Variants in DNAH17 observed in about 807,000 individuals in gnomAD.
The protein encoded by DNAH17 is dynein axonemal heavy chain 17, also known as axonemal beta dynein heavy chain 17.
Under a neutral mutation model 485.6 loss-of-function variants are expected in DNAH17, and 376 were observed. The observed-to-expected ratio is 0.77, with a 90% confidence interval of 0.71 to 0.84. DNAH17 has a LOEUF of 0.84. Ranked by LOEUF, DNAH17 falls within the 40% of genes least tolerant of loss-of-function variation. The pLI, the probability that DNAH17 is intolerant of heterozygous loss-of-function variation, is 0.00. For missense variants in DNAH17, 6,370 were observed against 5,839.3 expected (o/e 1.09, Z -2.96); for synonymous variants, 3,031 against 2,405.9 (o/e 1.26, Z -7.60).
intron 74 of DNAH17, among the ~76,000 whole-genome samples, chr17:78,437,219 C>T (rs1292417568): frequency 6.6e-6 from 1 of 152,186 alleles, no homozygotes; most frequent in Admixed American, 6.5e-5. Flanking sequence ...ACCCTGGTTG[C>T]CCATAGCCTC....
intron 22 of DNAH17, among the ~76,000 whole-genome samples, chr17:78,529,120 T>C (rs887906655): frequency 2.0e-5 from 3 of 152,112 alleles, no homozygotes; most frequent in African/African-American, 4.8e-5. Flanking sequence ...TTCTATATTT[T>C]TGTAGAGATG....
At chr17:78,506,204 G>A (rs199683975) in intron 30 of DNAH17, among the ~76,000 whole-genome samples, 1 of 143,512 alleles carries the variant, frequency 7.0e-6, no homozygotes, top group East Asian at 2.2e-4. Context: ...GCAGTGGTGC[G>A]ATCTTGGCTC....
rs747218786 is a variant in DNAH17, at chr17:78,574,952, TCTC to T, written c.103_105del (p.Glu35del). ...AAGAACTCTGTGAACAGGGCCACGT[TCTC>T]CTCGGCGCCTATCAGCTTGCTCCAC... On this transcript the variant is annotated inframe_deletion, in exon 2 of 81. Transcript: ENST00000389840. 4 of 1,613,786 alleles carry T rather than the reference TCTC, an allele frequency of 2.5e-6. No homozygotes were observed. Among genetic ancestry groups the T allele is most frequent in the African/African-American group, 2.7e-5 (2 of 74,894 alleles).
At chr17:78,479,933 G>A (rs1038320718) in intron 49 of DNAH17, among the ~76,000 whole-genome samples, 1 of 150,204 alleles carries the variant, frequency 6.7e-6, no homozygotes, top group African/African-American at 2.4e-5. Flanking sequence ...ATAACTTAGA[G>A]GCAAAGTCTG....
intron 36 of DNAH17, chr17:78,500,079 G>A (rs1217661695): frequency 3.9e-6 from 2 of 514,410 alleles, no homozygotes; most frequent in Non-Finnish European, 6.8e-6. Context: ...GGCAGGGGCT[G>A]GGGCAGGACA....
intron 80 of DNAH17, chr17:78,424,671 G>A (rs1253335589): frequency 1.3e-5 from 2 of 154,668 alleles, no homozygotes; most frequent in Non-Finnish European, 2.9e-5. Context: ...CTTTGGTTGT[G>A]TGGGAAATGG....
At position 78,553,283 on chromosome 17, in the gene DNAH17, G is replaced by GTTT. The variant is rs60587420; in HGVS notation, c.2179-481_2179-479dup. On this transcript the variant is annotated intron_variant, in intron 14 of 80. Coordinates refer to ENST00000389840, the MANE Select transcript of DNAH17 (RefSeq NM_173628.4). ...AAATTACCCAGTCCCAGGTTTTTGT[G>GTTT]TTTTTTTTTTTTTTTTTTTTTTTTT... 3.5e-4 allele frequency among the ~76,000 whole-genome samples: 18 copies of GTTT among 51,030 alleles called. 4 individuals carry two copies. Among genetic ancestry groups the GTTT allele is most frequent in the African/African-American group, 7.2e-4 (8 of 11,098 alleles). 33.5% of individuals were successfully genotyped at this position (51,030 alleles called of 152,430 possible). A position where few individuals can be genotyped will look rare whatever the true frequency, so the allele number is the denominator to read the frequency against.
chr17:78,507,255 G>C (rs370334176), intron 29 of DNAH17, 23 bp downstream of exon 29: 1 of 1,612,866 alleles, frequency 6.2e-7, no homozygotes, highest in Middle Eastern at 1.7e-4. Context: ...GACTCCCCTG[G>C]TCTGGATAGG....
In DNAH17 at chr17:78,454,698, A is replaced by T. The variant is rs1568074373; in HGVS notation, c.10178T>A (p.Ile3393Asn). 6.2e-7 allele frequency: 1 copy of T among 1,611,890 alleles called. No individual in the cohort carries two copies. Among genetic ancestry groups the T allele is most frequent in the South Asian group, 1.1e-5 (1 of 91,074 alleles). The change falls in exon 64 of 81, where the codon ATC (isoleucine) becomes AAC (asparagine). Residue 3393 changes from isoleucine to asparagine, a missense_variant. By Grantham distance (149) the Ile-to-Asn change is moderately radical. Transcript: ENST00000389840. ...GGGATCCAGGCCATTCGTGATCGGG[A>T]TGGGGACCTGCCCAGGGAGGCACAC... is the stretch of plus-strand genomic sequence containing the variant. ...IPYIHNLKVP[I>N]PITNGLDPLS...
intron 37 of DNAH17, among the ~76,000 whole-genome samples, chr17:78,498,503 G>A (rs1202274343): frequency 6.6e-6 from 1 of 152,330 alleles, no homozygotes; most frequent in South Asian, 2.1e-4. Flanking sequence ...CATCAGTGGG[G>A]GTGGGGCGCT....
chr17:78,451,178 C>T (rs895135227), intron 66 of DNAH17, among the ~76,000 whole-genome samples: 33 of 152,220 alleles, frequency 2.2e-4, no homozygotes, highest in African/African-American at 5.1e-4. Flanking sequence ...TGCAGGGCAG[C>T]GCTTTGGAGC....
intron 54 of DNAH17, among the ~76,000 whole-genome samples, chr17:78,469,529 C>T (rs62073518): frequency 2.0e-5 from 3 of 152,120 alleles, no homozygotes; most frequent in African/African-American, 4.8e-5. Context: ...GTGGGAGGAT[C>T]AATTGAGGCC....
At chr17:78,447,833 C>A (rs992951987) in intron 69 of DNAH17, among the ~76,000 whole-genome samples, 2 of 152,142 alleles carry the variant, frequency 1.3e-5, no homozygotes, top group Admixed American at 1.3e-4. Context: ...ATTAGTGTTG[C>A]CCAGCCTGGG....
chr17:78,480,048 T>TTTTA lies in DNAH17; in HGVS notation c.7753-417_7753-416insTAAA, dbSNP rs1568122402. ...TTTTTTTTTTTTTTTTTTTTTTTTT[T>TTTTA]TAAAAAAAGTATGTCCCAGGCCGGG... On this transcript the variant is annotated intron_variant, in intron 49 of 80. Coordinates refer to ENST00000389840, the MANE Select transcript of DNAH17 (RefSeq NM_173628.4). Among the ~76,000 whole-genome samples, 65 of 94,364 alleles carry TTTTA rather than the reference T, an allele frequency of 6.9e-4. 13 individuals carry two copies. Among genetic ancestry groups the TTTTA allele is most frequent in the African/African-American group, 3.9e-3 (63 of 16,206 alleles). The allele number at this position is 94,364 out of a possible 152,430, so 61.9% of individuals were successfully genotyped here.
At chr17:78,544,076 G>A (rs191831840) in intron 16 of DNAH17, 79 bp from the exon 17 acceptor site, 12 of 1,594,908 alleles carry the variant, frequency 7.5e-6, no homozygotes, top group South Asian at 4.5e-5. Context: ...GTGTGCTTTT[G>A]ATGTGAGTTT....
chr17:78,555,874 C>T (rs2092011038), intron 14 of DNAH17, among the ~76,000 whole-genome samples: 1 of 152,206 alleles, frequency 6.6e-6, no homozygotes, highest in Non-Finnish European at 1.5e-5. Flanking sequence ...GTTTCTGCCT[C>T]ATGGCCTGAG....
chr17:78,550,578 G>A (rs754580873), intron 16 of DNAH17, among the ~76,000 whole-genome samples: 7 of 152,230 alleles, frequency 4.6e-5, no homozygotes, highest in Non-Finnish European at 1.0e-4. Context: ...ACCCTGTGAA[G>A]CCACAGGGAG....
At chr17:78,528,444 CAG>C (rs1748920873) in intron 22 of DNAH17, among the ~76,000 whole-genome samples, 2 of 152,116 alleles carry the variant, frequency 1.3e-5, no homozygotes, top group East Asian at 3.9e-4. Context: ...TTTGTAGAGA[CAG>C]GGTTTTCCTG....
chr17:78,479,442 T>C (rs377574063), intron 50 of DNAH17, 43 bp downstream of exon 50: 86 of 1,563,608 alleles, frequency 5.5e-5, no homozygotes, highest in Non-Finnish European at 6.5e-5. Context: ...CACAGAGCCA[T>C]AGGTTTTACC....
Sources: allele counts gnomAD v4.1 joint callset (sites outside exome capture counted in the v4.1 genomes callset), GRCh38; gene constraint gnomAD v4.1.1; transcripts MANE v1.5; gene names NCBI Gene and HGNC (gene_info 2026-07-23, HGNC 2026-07-21).